Variants in CSF1 observed in about 807,000 individuals in gnomAD.
The protein encoded by CSF1 is colony stimulating factor 1.
In CSF1, 9 loss-of-function variants were observed where a neutral mutation model predicts 48.9. That is an observed-to-expected ratio of 0.18 (90% CI 0.11 to 0.32). The LOEUF is 0.32. Among genes scored for constraint, CSF1 ranks in the 10% least tolerant of loss-of-function variants. The probability of loss-of-function intolerance (pLI) is 1.00; values close to 1 mark genes in which losing one functional copy is unlikely to be tolerated. For missense variants in CSF1, 672 were observed against 697.9 expected (o/e 0.96, Z 0.42); for synonymous variants, 305 against 284.1 (o/e 1.07, Z -0.74).
intron 6 of CSF1, 106 bp downstream of exon 6, chr1:109,924,296 G>A (rs1647735742): frequency 1.1e-6 from 1 of 936,704 alleles, no homozygotes. Flanking sequence ...GAGTTCTTCA[G>A]ACACAGAGAG....
intron 1 of CSF1, 132 bp from the exon 2 acceptor site, chr1:109,914,127 C>A: frequency 1.0e-6 from 1 of 961,098 alleles, no homozygotes; most frequent in Non-Finnish European, 1.4e-6. Context: ...TTGAGGGATG[C>A]TGTATCCTGA....
chr1:109,911,017 T>C lies in CSF1; in HGVS notation c.-7T>C, dbSNP rs1654655913. On this transcript the variant is annotated 5_prime_UTR_variant, in exon 1 of 9. Transcript: ENST00000329608. ...CCGACGCGCCCGGCCGGGACCCAGC[T>C]GCCCGTATGACCGCGCCGGGCGCCG... 5 of 1,171,276 alleles carry C rather than the reference T, an allele frequency of 4.3e-6. No homozygotes were observed. The East Asian group carries it at 2.1e-4, about 50-fold the overall frequency. The allele number at this position is 1,171,276 out of a possible 1,614,324, so 72.6% of individuals were successfully genotyped here. A position where few individuals can be genotyped will look rare whatever the true frequency, so the allele number is the denominator to read the frequency against.
At chr1:109,923,027 G>C in intron 5 of CSF1, 139 bp from the exon 6 acceptor site, 1 of 775,526 alleles carries the variant, frequency 1.3e-6, no homozygotes, top group Non-Finnish European at 2.0e-6. Context: ...CCTCTTCTCA[G>C]CCCCAGGGCT....
intron 1 of CSF1, among the ~76,000 whole-genome samples, chr1:109,912,752 A>G (rs1228347860): frequency 6.6e-6 from 1 of 152,160 alleles, no homozygotes; most frequent in Non-Finnish European, 1.5e-5. Context: ...TACACCGTCT[A>G]GTGGCCCAGT....
rs1408427020 is a variant in CSF1 at position 109,924,570 on chromosome 1, A to C, written c.1570-206A>C. 2.0e-5 allele frequency among the ~76,000 whole-genome samples: 3 copies of C among 152,110 alleles called. No homozygotes were observed. The East Asian group carries it at 5.8e-4, about 29-fold the overall frequency. Reference sequence around the variant, plus strand: ...GGAGGACCCATAGGGAACAGCCTGCAAGGGTGTGGGGAGAGGAGAGGGGAC... The same window carrying C: ...GGAGGACCCATAGGGAACAGCCTGCCAGGGTGTGGGGAGAGGAGAGGGGAC... On this transcript the variant is annotated intron_variant, in intron 6 of 8. Coordinates refer to ENST00000329608, the MANE Select transcript of CSF1 (RefSeq NM_000757.6).
Position 109,910,989 on chromosome 1 carries a change from C to T in CSF1, c.-35C>T. On this transcript the variant is annotated 5_prime_UTR_variant, in exon 1 of 9. Transcript: ENST00000329608. ...CAGCGAGCGAGCGAGCGAGCGAGGG[C>T]GGCCGACGCGCCCGGCCGGGACCCA... is the stretch of plus-strand genomic sequence containing the variant. The T allele has an allele frequency of 8.6e-7, 1 of 1,163,536 alleles. No individual in the cohort carries two copies. Among genetic ancestry groups the T allele is most frequent in the African/African-American group, 1.6e-5 (1 of 61,324 alleles). The allele number at this position is 1,163,536 out of a possible 1,614,324, so 72.1% of individuals were successfully genotyped here.
intron 7 of CSF1, 86 bp from the exon 8 acceptor site, chr1:109,925,061 T>G (rs931534406): frequency 7.8e-7 from 1 of 1,275,514 alleles, no homozygotes; most frequent in South Asian, 1.2e-5. Context: ...CTAGAGCATG[T>G]CTGGGGCTTA....
chr1:109,923,384 A>G lies in CSF1; in HGVS notation c.763A>G (p.Arg255Gly), dbSNP rs1183979792. 1.2e-6 allele frequency: 2 copies of G among 1,613,622 alleles called. No homozygotes were observed. The highest frequency in any genetic ancestry group is 2.2e-5 in the South Asian group (2 of 91,010). The stretch of plus-strand genomic sequence containing the variant: ...AGGCAGTGCCAAGCAGCGGCCACCC[A>G]GGAGCACCTGCCAGAGCTTTGAGCC... ...DPGSAKQRPP[R>G]STCQSFEPPE... The change falls in exon 6 of 9, where the codon AGG (arginine) becomes GGG (glycine). Residue 255 changes from arginine (R) to glycine (G), a missense_variant. Arg to Gly is a moderately radical substitution (Grantham distance 125, BLOSUM62 -2). Coordinates refer to ENST00000329608, the MANE Select transcript of CSF1 (RefSeq NM_000757.6).
rs1647248653 is a variant in CSF1 at position 109,916,952 on chromosome 1, C to T, written c.226-341C>T. Among the ~76,000 whole-genome samples the T allele has an allele frequency of 2.0e-5, 3 of 152,134 alleles. No individual in the cohort carries two copies. In the South Asian group the frequency reaches 6.2e-4, roughly 32 times the overall value. On this transcript the variant is annotated intron_variant, in intron 3 of 8. Coordinates refer to ENST00000329608, the MANE Select transcript of CSF1 (RefSeq NM_000757.6). The stretch of plus-strand genomic sequence containing the variant: ...ATATGGTAAAAGATATTTGTGAAAG[C>T]AAGACAAGAGGAAGACAGAAAGAAA...
intron 1 of CSF1, among the ~76,000 whole-genome samples, chr1:109,913,412 C>G (rs1427042750): frequency 1.3e-5 from 2 of 152,044 alleles, no homozygotes; most frequent in African/African-American, 4.8e-5. Context: ...GATGAGGAGA[C>G]CCCAGTGAAG....
intron 4 of CSF1, among the ~76,000 whole-genome samples, chr1:109,919,698 G>A (rs1647431752): frequency 6.6e-6 from 1 of 152,092 alleles, no homozygotes; most frequent in Non-Finnish European, 1.5e-5. Context: ...GGTGGTTCAT[G>A]CCTCTAATCC....
chr1:109,922,249 T>C (rs1210064848), intron 5 of CSF1: 2 of 366,976 alleles, frequency 5.4e-6, no homozygotes, highest in Non-Finnish European at 9.7e-6. Flanking sequence ...AGAAGGATCA[T>C]GCTGGTGCCT....
In CSF1 at chr1:109,923,693, C is replaced by G. The variant is rs1252442251; in HGVS notation, c.1072C>G (p.Gln358Glu). The change falls in exon 6 of 9, where the codon CAG becomes GAG. Residue 358 changes from glutamine (Q) to glutamate (E), a missense_variant. By Grantham distance (29) the Gln-to-Glu change is conservative (BLOSUM62 2). Coordinates refer to ENST00000329608, the MANE Select transcript of CSF1 (RefSeq NM_000757.6). ...SPLPASAKGQ[Q>E]PADVTGTALP... ...ACTCCCTGCATCAGCAAAGGGCCAA[C>G]AGCCGGCAGATGTAACTGGTACCGC... 1.9e-6 allele frequency: 3 copies of G among 1,613,498 alleles called. No homozygotes were observed. Among genetic ancestry groups the G allele is most frequent in the Non-Finnish European group, 2.5e-6 (3 of 1,179,716 alleles).
At position 109,923,382 on chromosome 1, in the gene CSF1, C is replaced by G. The variant is rs755057012; in HGVS notation, c.761C>G (p.Pro254Arg). 1.9e-6 allele frequency: 3 copies of G among 1,613,354 alleles called. No individual in the cohort carries two copies. Among genetic ancestry groups the G allele is most frequent in the Non-Finnish European group, 2.5e-6 (3 of 1,179,754 alleles). Residue 254 changes from proline to arginine, a missense_variant, in exon 6 of 9, where the codon CCC becomes CGC. This residue lies in a region of CSF1 where 591 missense variants were observed against 593.6 expected (regional missense o/e 1.00). Coordinates refer to ENST00000329608, the MANE Select transcript of CSF1 (RefSeq NM_000757.6). ...CCAGGCAGTGCCAAGCAGCGGCCACCCAGGAGCACCTGCCAGAGCTTTGAG... is the reference window on the plus strand; with the variant it reads ...CCAGGCAGTGCCAAGCAGCGGCCACGCAGGAGCACCTGCCAGAGCTTTGAG... Reference protein sequence around the residue: ...VDPGSAKQRPPRSTCQSFEPP... With the variant: ...VDPGSAKQRPRRSTCQSFEPP...
intron 6 of CSF1, 53 bp from the exon 7 acceptor site, chr1:109,924,723 C>T (rs779190941): frequency 3.2e-5 from 49 of 1,512,950 alleles, no homozygotes; most frequent in Admixed American, 7.8e-5. Flanking sequence ...GATGGGCCAC[C>T]GCCCCCCCAC....
At chr1:109,918,984 G>C (rs921978263) in intron 4 of CSF1, among the ~76,000 whole-genome samples, 3 of 151,582 alleles carry the variant, frequency 2.0e-5, no homozygotes, top group African/African-American at 7.3e-5. Context: ...GGAAAAGAGG[G>C]AGAGTGCAGA....
Position 109,914,399 on chromosome 1 carries a change from C to T in CSF1, c.162+18C>T. On this transcript the variant is annotated intron_variant, in intron 2 of 8. Transcript: ENST00000329608. ...AGCGGCTGGTGAGTGTGTGGCCATG[C>T]TGTATTCTACCTTCTCCCCACTGGG... The T allele has an allele frequency of 6.3e-7, 1 of 1,574,888 alleles. No homozygotes were observed. The highest frequency in any genetic ancestry group is 8.6e-7 in the Non-Finnish European group (1 of 1,159,920).
intron 6 of CSF1, 31 bp from the exon 7 acceptor site, chr1:109,924,745 T>A: frequency 6.4e-7 from 1 of 1,562,092 alleles, no homozygotes; most frequent in Admixed American, 1.9e-5. Flanking sequence ...CTCCCCCAGC[T>A]CCTCAGTGAG....
intron 5 of CSF1, 52 bp downstream of exon 5, chr1:109,922,046 G>A (rs753445382): frequency 1.3e-6 from 2 of 1,523,700 alleles, no homozygotes; most frequent in Non-Finnish European, 1.8e-6. Context: ...ATATGGAATG[G>A]GGATTGGGAG....
Sources: gnomAD v4.1 joint callset for allele counts (sites outside exome capture counted in the v4.1 genomes callset) on GRCh38, gnomAD v4.1.1 for gene constraint, gnomAD v4.1.1 regional missense constraint, MANE v1.5 for transcripts, NCBI Gene and HGNC (gene_info 2026-07-23, HGNC 2026-07-21) for gene names.